Variants in TMEFF1 observed in about 807,000 individuals in gnomAD.
TMEFF1 encodes transmembrane protein with EGF like and two follistatin like domains 1, also known as tomoregulin-1.
Under a neutral mutation model 47.5 loss-of-function variants are expected in TMEFF1, and 20 were observed. That is an observed-to-expected ratio of 0.42 (90% CI 0.30 to 0.61). The LOEUF (loss-of-function observed/expected upper bound fraction) is 0.61, where lower values mean the gene tolerates loss of function less well. TMEFF1 is among the 20% of genes least tolerant of loss of function. TMEFF1 has a pLI of 0.19. For missense variants in TMEFF1, 411 were observed against 471.1 expected (o/e 0.87, Z 1.18); for synonymous variants, 162 against 166.3 (o/e 0.97, Z 0.20).
At chr9:100,570,308 G>A (rs1839208629) in intron 8 of TMEFF1, among the ~76,000 whole-genome samples, 2 of 152,086 alleles carry the variant, frequency 1.3e-5, no homozygotes, top group African/African-American at 4.8e-5. Flanking sequence ...TAATGAGATT[G>A]CTGGATCATA....
intron 8 of TMEFF1, among the ~76,000 whole-genome samples, chr9:100,563,526 G>A (rs1839062653): frequency 6.6e-6 from 1 of 152,212 alleles, no homozygotes; most frequent in African/African-American, 2.4e-5. Context: ...TATTAGCTGT[G>A]TGTTCTTTGG....
At chr9:100,497,679 C>T (rs554146478) in intron 1 of TMEFF1, among the ~76,000 whole-genome samples, 2 of 152,088 alleles carry the variant, frequency 1.3e-5, no homozygotes, top group African/African-American at 4.8e-5. Flanking sequence ...ATAGAATTCC[C>T]TTGACTTAGT....
At chr9:100,552,007 A>G (rs1838834843) in intron 7 of TMEFF1, among the ~76,000 whole-genome samples, 1 of 152,194 alleles carries the variant, frequency 6.6e-6, no homozygotes. Context: ...GAGCATGAGC[A>G]TAGATATGCA....
chr9:100,563,351 A>T (rs997985382), intron 8 of TMEFF1, among the ~76,000 whole-genome samples: 20 of 152,298 alleles, frequency 1.3e-4, no homozygotes, highest in African/African-American at 4.8e-4. Context: ...TCCTCTTAGG[A>T]TGGTGCGTCT....
intron 1 of TMEFF1, among the ~76,000 whole-genome samples, chr9:100,475,300 T>C (rs10989102): frequency 0.085 from 12,948 of 152,234 alleles, 750 homozygotes; most frequent in Non-Finnish European, 0.12. Flanking sequence ...TAATGTTTTA[T>C]GAGGGGAATG....
At chr9:100,536,916 G>A (rs1838522688) in intron 5 of TMEFF1, among the ~76,000 whole-genome samples, 1 of 152,156 alleles carries the variant, frequency 6.6e-6, no homozygotes, top group Non-Finnish European at 1.5e-5. Flanking sequence ...TATGACATAT[G>A]GCTATGTTTA....
At chr9:100,564,401 G>A (rs909183855) in intron 8 of TMEFF1, among the ~76,000 whole-genome samples, 9 of 152,136 alleles carry the variant, frequency 5.9e-5, no homozygotes, top group Admixed American at 1.3e-4. Flanking sequence ...TGATTGATTG[G>A]TTGATTGACT....
At chr9:100,526,272 G>A (rs1838251535) in intron 5 of TMEFF1, among the ~76,000 whole-genome samples, 1 of 152,046 alleles carries the variant, frequency 6.6e-6, no homozygotes, top group Non-Finnish European at 1.5e-5. Context: ...TTGGTCTCCA[G>A]TGTAGTGATA....
intron 5 of TMEFF1, among the ~76,000 whole-genome samples, chr9:100,529,572 G>A (rs1838336695): frequency 6.6e-6 from 1 of 151,634 alleles, no homozygotes; most frequent in Non-Finnish European, 1.5e-5. Flanking sequence ...CCCAATACAG[G>A]AGCACCCAGA....
intron 9 of TMEFF1, among the ~76,000 whole-genome samples, chr9:100,573,310 T>G (rs2118584544): frequency 6.6e-6 from 1 of 152,324 alleles, no homozygotes; most frequent in South Asian, 2.1e-4. Context: ...GGTGTTAACA[T>G]TACTTCATTT....
At chr9:100,537,911 TTC>T (rs1338717433) in intron 5 of TMEFF1, among the ~76,000 whole-genome samples, 1 of 152,202 alleles carries the variant, frequency 6.6e-6, no homozygotes, top group African/African-American at 2.4e-5. Flanking sequence ...TTAGTGAATA[TTC>T]TTATGAACTA....
At chr9:100,488,478 C>A (rs1200481391) in intron 1 of TMEFF1, among the ~76,000 whole-genome samples, 1 of 152,180 alleles carries the variant, frequency 6.6e-6, no homozygotes, top group Non-Finnish European at 1.5e-5. Flanking sequence ...AATGGCAATG[C>A]ATATGGACAC....
At chr9:100,531,752 G>A (rs1322643462) in intron 5 of TMEFF1, among the ~76,000 whole-genome samples, 1 of 152,124 alleles carries the variant, frequency 6.6e-6, no homozygotes, top group Non-Finnish European at 1.5e-5. Context: ...AAATTCATAT[G>A]GAACCGAAAA....
intron 5 of TMEFF1, among the ~76,000 whole-genome samples, chr9:100,538,619 A>G (rs1838565213): frequency 6.6e-6 from 1 of 152,168 alleles, no homozygotes; most frequent in Non-Finnish European, 1.5e-5. Flanking sequence ...TTAATGATCT[A>G]TAATCTGGCT....
chr9:100,481,700 A>G (rs10819785), intron 1 of TMEFF1, among the ~76,000 whole-genome samples: 37,054 of 152,138 alleles, frequency 0.24, 5,125 homozygotes, highest in African/African-American at 0.37. Flanking sequence ...ACGATGAAAG[A>G]TAATGGTAGA....
chr9:100,486,538 G>A (rs367572758), intron 1 of TMEFF1, among the ~76,000 whole-genome samples: 2 of 152,110 alleles, frequency 1.3e-5, no homozygotes, highest in Non-Finnish European at 2.9e-5. Context: ...CACAGCACCC[G>A]GCCTGAACTT....
chr9:100,517,756 T>C (rs1284082564), intron 5 of TMEFF1, among the ~76,000 whole-genome samples: 2 of 152,204 alleles, frequency 1.3e-5, no homozygotes, highest in South Asian at 4.1e-4. Flanking sequence ...TTCATTTCAT[T>C]CAGAGTGGTT....
At chr9:100,575,618 G>C (rs1839338124) in intron 9 of TMEFF1, among the ~76,000 whole-genome samples, 1 of 152,124 alleles carries the variant, frequency 6.6e-6, no homozygotes, top group Non-Finnish European at 1.5e-5. Flanking sequence ...CTTTGAAATC[G>C]AACGAAATGA....
intron 1 of TMEFF1, among the ~76,000 whole-genome samples, chr9:100,495,838 T>G (rs1454380131): frequency 6.6e-6 from 1 of 152,244 alleles, no homozygotes; most frequent in Non-Finnish European, 1.5e-5. Flanking sequence ...TTGTGTTTGA[T>G]GTGTGCCCAC....
Sources: allele counts gnomAD v4.1 joint callset (sites outside exome capture counted in the v4.1 genomes callset), GRCh38; gene constraint gnomAD v4.1.1; transcripts MANE v1.5; gene names NCBI Gene and HGNC (gene_info 2026-07-23, HGNC 2026-07-21).